CLEC4A: variants seen among roughly 807,000 people sequenced by gnomAD.
The protein encoded by CLEC4A is C-type lectin domain family 4 member A, also known as C-type (calcium dependent, carbohydrate-recognition domain) lectin, superfamily member 6.
Under a neutral mutation model 32.7 loss-of-function variants are expected in CLEC4A, and 27 were observed. The observed-to-expected ratio is 0.83, with a 90% CI of 0.61 to 1.14. CLEC4A has a LOEUF of 1.14. CLEC4A is among the 50% of genes most tolerant of loss of function. The probability of loss-of-function intolerance (pLI) is 0.00; values close to 1 mark genes in which losing one functional copy is unlikely to be tolerated. For missense variants in CLEC4A, 253 were observed against 274.6 expected, an observed-to-expected ratio of 0.92 and a Z score of 0.55; for synonymous variants, 89 against 93.7, an observed-to-expected ratio of 0.95 and a Z score of 0.29.
the CLEC4A span, among the ~76,000 whole-genome samples, chr12:8,102,974 T>C: frequency 1.3e-4 from 20 of 152,312 alleles, no homozygotes; most frequent in East Asian, 3.9e-3. Context: ...GGCACTGCTA[T>C]TGACAGAGGT....
chr12:8,115,954 A>G, the CLEC4A span, among the ~76,000 whole-genome samples: 4 of 151,714 alleles, frequency 2.6e-5, no homozygotes, highest in Non-Finnish European at 4.4e-5. Context: ...ATGCCTGGCT[A>G]ATTTTTAATC....
intron 5 of CLEC4A, 106 bp from the exon 6 acceptor site, chr12:8,138,034 C>G: frequency 7.9e-7 from 1 of 1,259,514 alleles, no homozygotes; most frequent in South Asian, 1.5e-5. Flanking sequence ...TTGGGCATAT[C>G]TGACCCTATG....
chr12:8,104,255 A>C, the CLEC4A span, among the ~76,000 whole-genome samples: 1 of 152,158 alleles, frequency 6.6e-6, no homozygotes, highest in South Asian at 2.1e-4. Context: ...AGTTGTGACA[A>C]ATACTTGGTC....
chr12:8,119,512 C>T (rs1431097245), upstream of CLEC4A, among the ~76,000 whole-genome samples: 1 of 152,216 alleles, frequency 6.6e-6, no homozygotes, highest in Non-Finnish European at 1.5e-5. Context: ...GCATGAGCTA[C>T]CATGCCTAGC....
intron 1 of CLEC4A, among the ~76,000 whole-genome samples, chr12:8,125,030 A>G (rs1016603287): frequency 6.6e-6 from 1 of 152,150 alleles, no homozygotes; most frequent in Non-Finnish European, 1.5e-5. Flanking sequence ...AAAAAGACTG[A>G]CTTTATTCTA....
chr12:8,109,821 T>G, the CLEC4A span, among the ~76,000 whole-genome samples: 1 of 152,082 alleles, frequency 6.6e-6, no homozygotes, highest in African/African-American at 2.4e-5. Context: ...TAATTCTGGC[T>G]CTCCAGGTGT....
chr12:8,135,770 T>C (rs1314356781), intron 4 of CLEC4A, 34 bp downstream of exon 4: 1 of 1,604,956 alleles, frequency 6.2e-7, no homozygotes. Context: ...CTGTGAGCCC[T>C]GCCTGATCTT....
intron 3 of CLEC4A, among the ~76,000 whole-genome samples, chr12:8,132,403 C>T (rs1191467676): frequency 2.0e-5 from 3 of 152,152 alleles, no homozygotes; most frequent in South Asian, 4.1e-4. Flanking sequence ...TCCTTTGACT[C>T]GTGGATTATT....
upstream of CLEC4A, among the ~76,000 whole-genome samples, chr12:8,118,618 C>A (rs772647272): frequency 1.3e-5 from 2 of 152,118 alleles, no homozygotes; most frequent in African/African-American, 2.4e-5. Context: ...TTTAAGCAAC[C>A]AGATCTCACG....
At chr12:8,112,799 T>C in the CLEC4A span, among the ~76,000 whole-genome samples, 1 of 152,196 alleles carries the variant, frequency 6.6e-6, no homozygotes, top group African/African-American at 2.4e-5. Flanking sequence ...TCCTAAGTCA[T>C]ATAAGTTTGT....
intron 2 of CLEC4A, among the ~76,000 whole-genome samples, chr12:8,128,487 C>T (rs749129679): frequency 3.3e-5 from 5 of 151,528 alleles, no homozygotes; most frequent in South Asian, 4.2e-4. Flanking sequence ...CTCAGCTCAC[C>T]GCAACCTCCG....
In CLEC4A at chr12:8,130,050, G is replaced by A. The variant is rs112201560; in HGVS notation, c.298+688G>A. On this transcript the variant is annotated intron_variant, in intron 3 of 5. Transcript: ENST00000229332. ...GGAGTTTCACCATGTTGCCCAGGCT[G>A]ATCTTGAACTCCTAAGCTTAAGTGA... Among the ~76,000 whole-genome samples the A allele has an allele frequency of 7.8e-3, 1,195 of 152,268 alleles. 17 individuals carry two copies. Among genetic ancestry groups the A allele is most frequent in the African/African-American group, 0.027 (1,129 of 41,566 alleles).
chr12:8,124,986 G>A (rs375264636), intron 1 of CLEC4A, among the ~76,000 whole-genome samples: 19 of 151,790 alleles, frequency 1.3e-4, no homozygotes, highest in Admixed American at 9.2e-4. Flanking sequence ...ATCATAACTC[G>A]AAGAAAGTGA....
the CLEC4A span, among the ~76,000 whole-genome samples, chr12:8,112,273 G>A: frequency 6.6e-6 from 1 of 152,046 alleles, no homozygotes; most frequent in Non-Finnish European, 1.5e-5. Context: ...TGGCCTACGT[G>A]GGTATATTGC....
chr12:8,132,892 G>GT (rs897126950), intron 3 of CLEC4A, among the ~76,000 whole-genome samples: 3 of 151,534 alleles, frequency 2.0e-5, no homozygotes, highest in Non-Finnish European at 4.4e-5. Flanking sequence ...TTCTTTGTGG[G>GT]TTTTTTTGTT....
Position 8,123,835 on chromosome 12 carries a change from T to A in CLEC4A, c.-44T>A, listed in dbSNP as rs1177248160. ...TGTTTATAAGATGTTTTAAGAAAGA[T>A]CTGAAACAGATTTTCTGAAGAAAGC... On this transcript the variant is annotated 5_prime_UTR_variant, in exon 1 of 6. Coordinates refer to ENST00000229332, the MANE Select transcript of CLEC4A (RefSeq NM_016184.4). 1 of 1,367,864 alleles carries A rather than the reference T, an allele frequency of 7.3e-7. No homozygotes were observed. Among genetic ancestry groups the A allele is most frequent in the South Asian group, 1.2e-5 (1 of 85,840 alleles). The allele number at this position is 1,367,864 out of a possible 1,614,324, so 84.7% of individuals were successfully genotyped here. A position where few individuals can be genotyped will look rare whatever the true frequency, so the allele number is the denominator to read the frequency against.
At chr12:8,106,734 G>A in the CLEC4A span, among the ~76,000 whole-genome samples, 3 of 152,084 alleles carry the variant, frequency 2.0e-5, no homozygotes, top group Non-Finnish European at 4.4e-5. Context: ...TTTCTATCTT[G>A]AAACTTTACT....
the CLEC4A span, among the ~76,000 whole-genome samples, chr12:8,116,847 G>A: frequency 4.6e-5 from 7 of 152,170 alleles, no homozygotes; most frequent in South Asian, 8.3e-4. Flanking sequence ...TCTTGGACTT[G>A]GAGTGTTTGT....
chr12:8,125,274 A>G (rs562544415), intron 1 of CLEC4A, among the ~76,000 whole-genome samples: 2 of 152,320 alleles, frequency 1.3e-5, no homozygotes, highest in African/African-American at 4.8e-5. Context: ...GTATATATAC[A>G]TTCAAAAAAT....
Sources: gnomAD v4.1 joint callset for allele counts (sites outside exome capture counted in the v4.1 genomes callset) on GRCh38, gnomAD v4.1.1 for gene constraint, MANE v1.5 for transcripts, NCBI Gene and HGNC (gene_info 2026-07-23, HGNC 2026-07-21) for gene names.